Variants in GPC4 observed in about 807,000 individuals in gnomAD.
GPC4 encodes the protein glypican 4.
GPC4 carries 10 observed loss-of-function variants against 35.0 expected under a neutral mutation model. That is an observed-to-expected ratio of 0.29 (90% confidence interval 0.18 to 0.48). The LOEUF (loss-of-function observed/expected upper bound fraction) is 0.48, where lower values mean the gene tolerates loss of function less well. GPC4 is among the 20% of genes least tolerant of loss of function. The pLI is 0.99. For missense variants in GPC4, 322 were observed against 451.3 expected, an observed-to-expected ratio of 0.71 and a Z score of 2.60; for synonymous variants, 167 against 170.2, an observed-to-expected ratio of 0.98 and a Z score of 0.15.
intron 1 of GPC4, among the ~76,000 whole-genome samples, chrX:133,412,311 T>A (rs1324964935): frequency 1.8e-5 from 2 of 112,367 alleles, no homozygotes; most frequent in South Asian, 3.7e-4. Context: ...CCTGTTTCTA[T>A]ACTGGCCGTC....
chrX:133,320,624 CAAA>C (rs11329655), intron 3 of GPC4, among the ~76,000 whole-genome samples: 1 of 37,740 alleles, frequency 2.6e-5, no homozygotes, highest in African/African-American at 1.0e-4. Context: ...AACTCTGTCT[CAAA>C]AAAAAAAAAA....
chrX:133,349,717 C>T (rs962621515), intron 1 of GPC4, among the ~76,000 whole-genome samples: 2 of 111,944 alleles, frequency 1.8e-5, no homozygotes, highest in South Asian at 7.6e-4. Context: ...ACCTCCTGGG[C>T]TCAAGTGATC....
chrX:133,331,966 G>C (rs1276465680), intron 2 of GPC4, among the ~76,000 whole-genome samples: 5 of 110,880 alleles, frequency 4.5e-5, no homozygotes, highest in African/African-American at 1.6e-4. Context: ...AATCAGAAAA[G>C]TGATATACCT....
intron 1 of GPC4, among the ~76,000 whole-genome samples, chrX:133,340,228 C>T (rs991525876): frequency 9.1e-6 from 1 of 110,368 alleles, no homozygotes; most frequent in African/African-American, 3.3e-5. Flanking sequence ...AGAGTTCCCC[C>T]CCTTGTTCTC....
rs758303690 is a variant in GPC4, at chrX:133,305,892, C to T, written c.1035G>A (p.Lys345=). 22 of 1,211,251 alleles carry T rather than the reference C, an allele frequency of 1.8e-5. 1 individual carries two copies. In the South Asian group the frequency reaches 1.9e-4, roughly 11 times the overall value. The part of the protein sequence containing the change: ...QKVFQGCGPP[K]PLPAGRISRS... ...GAGAAATTCGTCCAGCTGGGAGGGGCTTGGGGGGTCCACATCCCTGGAAAA... is the reference window on the plus strand; with the variant it reads ...GAGAAATTCGTCCAGCTGGGAGGGGTTTGGGGGGTCCACATCCCTGGAAAA... Residue 345 remains lysine, a synonymous_variant, in exon 6 of 9, where the codon AAG becomes AAA. Coordinates refer to ENST00000370828, the MANE Select transcript of GPC4 (RefSeq NM_001448.3).
chrX:133,406,747 CAAAAAAAAAAAAA>C (rs56973194), intron 1 of GPC4, among the ~76,000 whole-genome samples: 7 of 38,333 alleles, frequency 1.8e-4, no homozygotes, highest in Non-Finnish European at 2.3e-4. Flanking sequence ...GACTTCGTCT[CAAAAAAAAAAAAA>C]AAAAAAAAAG....
intron 2 of GPC4, among the ~76,000 whole-genome samples, chrX:133,328,288 C>T (rs766630226): frequency 9.0e-6 from 1 of 111,468 alleles, no homozygotes; most frequent in South Asian, 3.8e-4. Context: ...TTGCTTGGGA[C>T]TATTCTACCT....
chrX:133,376,839 T>C (rs2068635616), intron 1 of GPC4, among the ~76,000 whole-genome samples: 1 of 111,786 alleles, frequency 8.9e-6, no homozygotes, highest in Non-Finnish European at 1.9e-5. Flanking sequence ...CTCCCCCACA[T>C]GGGACATTGA....
intron 2 of GPC4, among the ~76,000 whole-genome samples, chrX:133,325,912 C>T (rs1293318294): frequency 9.0e-6 from 1 of 111,508 alleles, no homozygotes; most frequent in Non-Finnish European, 1.9e-5. Flanking sequence ...AGATTCTATA[C>T]CTATGTCTCT....
chrX:133,381,655 G>A (rs2068660993), intron 1 of GPC4, among the ~76,000 whole-genome samples: 1 of 112,505 alleles, frequency 8.9e-6, no homozygotes, highest in East Asian at 2.8e-4. Flanking sequence ...CAATATTTGT[G>A]TATTTCTTAA....
chrX:133,305,960 C>G (rs2068288860), intron 5 of GPC4, 42 bp from the exon 6 acceptor site: 1 of 1,208,370 alleles, frequency 8.3e-7, no homozygotes, highest in Non-Finnish European at 1.1e-6. Context: ...AAGTCACTCC[C>G]AAGGCGGGAG....
At chrX:133,414,092 A>G (rs954097540) in intron 1 of GPC4, among the ~76,000 whole-genome samples, 2 of 110,469 alleles carry the variant, frequency 1.8e-5, no homozygotes, top group African/African-American at 6.6e-5. Context: ...GGGGAAAAAT[A>G]CTCCTCTGGT....
intron 3 of GPC4, among the ~76,000 whole-genome samples, chrX:133,312,243 A>C (rs1344874829): frequency 9.0e-6 from 1 of 111,182 alleles, no homozygotes; most frequent in Non-Finnish European, 1.9e-5. Flanking sequence ...ACTGCATCTC[A>C]GAATGGGGTT....
At chrX:133,307,782 G>A (rs2068297093) in intron 4 of GPC4, among the ~76,000 whole-genome samples, 1 of 111,661 alleles carries the variant, frequency 9.0e-6, no homozygotes, top group Non-Finnish European at 1.9e-5. Flanking sequence ...AAATGCAGAC[G>A]TTTAAATAAC....
chrX:133,411,744 A>G (rs1291344666), intron 1 of GPC4, among the ~76,000 whole-genome samples: 1 of 111,487 alleles, frequency 9.0e-6, no homozygotes, highest in East Asian at 2.8e-4. Flanking sequence ...GTACATGGCC[A>G]TTGAAAGCTG....
intron 1 of GPC4, among the ~76,000 whole-genome samples, chrX:133,398,369 T>C (rs1230559330): frequency 9.0e-6 from 1 of 111,531 alleles, no homozygotes; most frequent in Non-Finnish European, 1.9e-5. Flanking sequence ...CAGCTACTCA[T>C]GTACCTCTAG....
At chrX:133,359,641 A>G (rs1382390429) in intron 1 of GPC4, among the ~76,000 whole-genome samples, 2 of 111,451 alleles carry the variant, frequency 1.8e-5, no homozygotes, top group Admixed American at 9.6e-5. Context: ...AGACTGAATG[A>G]ATTCTTTGTC....
At chrX:133,329,122 G>A (rs941447998) in intron 2 of GPC4, among the ~76,000 whole-genome samples, 1 of 111,819 alleles carries the variant, frequency 8.9e-6, no homozygotes, top group Non-Finnish European at 1.9e-5. Context: ...GGACACAGTG[G>A]GAAAAACAGG....
intron 1 of GPC4, among the ~76,000 whole-genome samples, chrX:133,377,495 A>G (rs2068639126): frequency 8.9e-6 from 1 of 112,226 alleles, no homozygotes; most frequent in Non-Finnish European, 1.9e-5. Context: ...GAGGAATGCT[A>G]TGTGTTTCCA....
Sources: gnomAD v4.1 joint callset for allele counts (sites outside exome capture counted in the v4.1 genomes callset) on GRCh38, gnomAD v4.1.1 for gene constraint, MANE v1.5 for transcripts, NCBI Gene and HGNC (gene_info 2026-07-23, HGNC 2026-07-21) for gene names.